The following ZNF618 variants were observed in gnomAD, a reference collection of about 807,000 sequenced individuals.
The protein encoded by ZNF618 is neural precursor cell expressed, developmentally down-regulated 10.
In ZNF618, 34 loss-of-function variants were observed where a neutral mutation model predicts 103.0. The observed-to-expected ratio is 0.33, with a 90% CI of 0.25 to 0.44. The LOEUF (loss-of-function observed/expected upper bound fraction) is 0.44, where lower values mean the gene tolerates loss of function less well. Ranked by LOEUF, ZNF618 falls within the 20% of genes least tolerant of loss-of-function variation. The probability of loss-of-function intolerance (pLI) is 1.00; values close to 1 mark genes in which losing one functional copy is unlikely to be tolerated. For missense variants in ZNF618, 1,059 were observed against 1,295.4 expected, an observed-to-expected ratio of 0.82 and a Z score of 2.80; for synonymous variants, 551 against 542.2, an observed-to-expected ratio of 1.02 and a Z score of -0.23.
At position 114,050,183 on chromosome 9, in the gene ZNF618, G is replaced by GAA; in HGVS notation, c.*24_*25dup. 1.4e-6 allele frequency: 2 copies of GAA among 1,480,298 alleles called. No homozygotes were observed. The highest frequency in any genetic ancestry group is 1.8e-6 in the Non-Finnish European group (2 of 1,118,922). 91.7% of individuals were successfully genotyped at this position (1,480,298 alleles called of 1,614,324 possible). ...CATGCTTTAAGACTTGACTTCGGGGGAAAAAAAAAGAAAAAGAGAAGATAA... is the reference window on the plus strand; with the variant it reads ...CATGCTTTAAGACTTGACTTCGGGGGAAAAAAAAAAAGAAAAAGAGAAGATAA... On this transcript the variant is annotated 3_prime_UTR_variant, in exon 15 of 15. Coordinates refer to ENST00000374126, the MANE Select transcript of ZNF618 (RefSeq NM_001318042.2).
At chr9:113,880,207 T>G (rs1828385992) in intron 1 of ZNF618, among the ~76,000 whole-genome samples, 1 of 152,074 alleles carries the variant, frequency 6.6e-6, no homozygotes, top group Non-Finnish European at 1.5e-5. Flanking sequence ...TGAGGAAATT[T>G]TGAATTTTTT....
At chr9:113,992,202 C>A (rs1840135014) in intron 3 of ZNF618, among the ~76,000 whole-genome samples, 1 of 152,150 alleles carries the variant, frequency 6.6e-6, no homozygotes, top group Non-Finnish European at 1.5e-5. Flanking sequence ...TTGTTGGTGT[C>A]TGCCCTGGAT....
At chr9:114,048,412 G>T (rs1396886870) in intron 14 of ZNF618, among the ~76,000 whole-genome samples, 1 of 152,176 alleles carries the variant, frequency 6.6e-6, no homozygotes, top group Non-Finnish European at 1.5e-5. Flanking sequence ...CCGCAATTAT[G>T]TTGCATACAT....
intron 2 of ZNF618, among the ~76,000 whole-genome samples, chr9:113,980,381 T>TG (rs1387801841): frequency 2.6e-5 from 4 of 151,652 alleles, no homozygotes; most frequent in African/African-American, 4.8e-5. Flanking sequence ...TGGAGTTCGG[T>TG]GGGGGGCCAG....
At chr9:113,994,197 C>T (rs879591063) in intron 3 of ZNF618, among the ~76,000 whole-genome samples, 2 of 152,222 alleles carry the variant, frequency 1.3e-5, no homozygotes, top group African/African-American at 4.8e-5. Flanking sequence ...CAGGCTATGG[C>T]GCTGGAAGGA....
chr9:113,977,277 G>A (rs1403582802), intron 2 of ZNF618, among the ~76,000 whole-genome samples: 3 of 152,202 alleles, frequency 2.0e-5, no homozygotes, highest in Admixed American at 6.5e-5. Flanking sequence ...CTGCTGGGGC[G>A]CTTCCTTATC....
At chr9:113,953,523 A>G (rs1835964658) in intron 1 of ZNF618, among the ~76,000 whole-genome samples, 1 of 152,186 alleles carries the variant, frequency 6.6e-6, no homozygotes, top group Admixed American at 6.5e-5. Context: ...GTTAGTGTAA[A>G]CTTTATGTAA....
chr9:113,928,144 T>C (rs1156984806), intron 1 of ZNF618, among the ~76,000 whole-genome samples: 1 of 152,340 alleles, frequency 6.6e-6, no homozygotes, highest in East Asian at 1.9e-4. Flanking sequence ...ATAGTTCCTA[T>C]TGAACTCTTC....
rs1002197089 is a variant in ZNF618, at chr9:114,008,200, G to C, written c.641-144G>C. On this transcript the variant is annotated intron_variant, in intron 7 of 14. Coordinates refer to ENST00000374126, the MANE Select transcript of ZNF618 (RefSeq NM_001318042.2). ...CCTGGTTTTGGGGGGCTTCCACAGT[G>C]GCCACGGCAGCCCTCCTGGGCCCCA... The C allele has an allele frequency of 2.8e-6, 3 of 1,088,080 alleles. No individual in the cohort carries two copies. The African/African-American group carries it at 4.7e-5, about 17-fold the overall frequency. The allele number at this position is 1,088,080 out of a possible 1,614,324, so 67.4% of individuals were successfully genotyped here. A position where few individuals can be genotyped will look rare whatever the true frequency, so the allele number is the denominator to read the frequency against.
chr9:114,054,036 C>G lies in ZNF618; in HGVS notation c.*3869C>G, dbSNP rs1248181722. On this transcript the variant is annotated 3_prime_UTR_variant, in exon 15 of 15. Coordinates refer to ENST00000374126, the MANE Select transcript of ZNF618 (RefSeq NM_001318042.2). Reference sequence around the variant, plus strand: ...GAGTCTCCAGGATTCAAGGAAGCCACCAGGTGTGCAGGCTGGGAAGAGACA... The same window carrying G: ...GAGTCTCCAGGATTCAAGGAAGCCAGCAGGTGTGCAGGCTGGGAAGAGACA... The G allele has an allele frequency of 2.6e-5, 4 of 152,590 alleles. No homozygotes were observed. Among genetic ancestry groups the G allele is most frequent in the Admixed American group, 1.3e-4 (2 of 15,286 alleles). The allele number at this position is 152,590 out of a possible 1,614,324, so 9.5% of individuals were successfully genotyped here.
chr9:113,924,733 C>G (rs567804734), intron 1 of ZNF618, among the ~76,000 whole-genome samples: 30 of 151,896 alleles, frequency 2.0e-4, no homozygotes, highest in Admixed American at 1.8e-3. Flanking sequence ...TTCATTTTCG[C>G]TTAGTTCATA....
chr9:113,898,438 GTT>G (rs11457055), intron 1 of ZNF618, among the ~76,000 whole-genome samples: 4 of 124,010 alleles, frequency 3.2e-5, no homozygotes, highest in Non-Finnish European at 1.7e-5. Context: ...CAGATTTTTC[GTT>G]TTTTTTTTTT....
chr9:114,038,675 T>C (rs1040882490), intron 13 of ZNF618, among the ~76,000 whole-genome samples: 2 of 152,170 alleles, frequency 1.3e-5, no homozygotes, highest in African/African-American at 2.4e-5. Flanking sequence ...AGAAGCATGC[T>C]TTGGCAGTAA....
intron 4 of ZNF618, among the ~76,000 whole-genome samples, chr9:114,000,343 C>G (rs1040818353): frequency 6.6e-6 from 1 of 151,870 alleles, no homozygotes; most frequent in African/African-American, 2.4e-5. Context: ...TGTCCGAGAT[C>G]AAAAAAAGGA....
intron 11 of ZNF618, 125 bp from the exon 12 acceptor site, chr9:114,032,520 T>C (rs1445687067): frequency 1.2e-6 from 1 of 830,418 alleles, no homozygotes. Context: ...CTTGAGGTCC[T>C]GGAGCCCTCA....
At chr9:113,968,235 A>G (rs1837604221) in intron 1 of ZNF618, among the ~76,000 whole-genome samples, 1 of 152,168 alleles carries the variant, frequency 6.6e-6, no homozygotes, top group Admixed American at 6.5e-5. Flanking sequence ...AATGTGTTTG[A>G]TTAGCGGGGG....
At chr9:113,969,247 C>G (rs1837725518) in intron 2 of ZNF618, 87 bp downstream of exon 2, 2 of 1,532,622 alleles carry the variant, frequency 1.3e-6, no homozygotes, top group African/African-American at 2.7e-5. Context: ...TCCTCATCTT[C>G]CCCCTGGAAG....
chr9:113,964,629 C>T (rs541713842), intron 1 of ZNF618, among the ~76,000 whole-genome samples: 1 of 151,958 alleles, frequency 6.6e-6, no homozygotes, highest in Admixed American at 6.5e-5. Flanking sequence ...CGGTTCCCCA[C>T]GTGCTTGGGT....
intron 1 of ZNF618, among the ~76,000 whole-genome samples, chr9:113,951,576 T>TATAC (rs1564208299): frequency 1.3e-4 from 8 of 62,074 alleles, no homozygotes; most frequent in Admixed American, 5.2e-4. Flanking sequence ...TGTGTGTGTA[T>TATAC]ATGTGTGTGT....
Sources: allele counts gnomAD v4.1 joint callset (sites outside exome capture counted in the v4.1 genomes callset), GRCh38; gene constraint gnomAD v4.1.1; transcripts MANE v1.5; gene names NCBI Gene and HGNC (gene_info 2026-07-23, HGNC 2026-07-21).